RNPS1: variants seen among roughly 807,000 people sequenced by gnomAD.
RNPS1 encodes RNA-binding protein with serine-rich domain 1.
For synonymous variants in RNPS1, 147 were observed against 150.0 expected (o/e 0.98, Z 0.15); for missense variants, 300 against 427.6 (o/e 0.70, Z 2.63).
intron 3 of RNPS1, chr16:2,263,926 T>A (rs1001550847): frequency 5.0e-6 from 2 of 398,236 alleles, no homozygotes; most frequent in Non-Finnish European, 8.9e-6. Context: ...GACGAGCTCT[T>A]GTTTTGTTGC....
chr16:2,259,303 A>T (rs574332313), intron 6 of RNPS1, among the ~76,000 whole-genome samples: 4 of 152,306 alleles, frequency 2.6e-5, no homozygotes, highest in African/African-American at 9.6e-5. Context: ...AAATCACGTA[A>T]AACTCCTACA....
At chr16:2,259,611 C>T (rs916669742) in intron 6 of RNPS1, among the ~76,000 whole-genome samples, 2 of 152,164 alleles carry the variant, frequency 1.3e-5, no homozygotes, top group Non-Finnish European at 2.9e-5. Context: ...AAAATAAGGC[C>T]GGGTGCAGTG....
rs747959667 is a variant in RNPS1 at position 2,255,663 on chromosome 16, G to T, written c.740C>A (p.Pro247His). Reference sequence around the variant, plus strand: ...TCTCCTGGGAGGGCTGAATCTCCTGGGGGGTGGCCTAGGCCAGGGGGCCAG... The same window carrying T: ...TCTCCTGGGAGGGCTGAATCTCCTGTGGGGTGGCCTAGGCCAGGGGGCCAG... ...AVLAPWPRPP[P>H]RRFSPPRRML... Residue 247 changes from proline (P) to histidine (H), a missense_variant, in exon 7 of 8, where the codon CCC (proline) becomes CAC (histidine). Coordinates refer to ENST00000320225, the MANE Select transcript of RNPS1 (RefSeq NM_080594.4). 2.0e-5 allele frequency: 33 copies of T among 1,613,290 alleles called. No individual in the cohort carries two copies. The highest frequency in any genetic ancestry group is 7.7e-5 in the South Asian group (7 of 91,050).
At position 2,263,130 on chromosome 16, in the gene RNPS1, G is replaced by A. The variant is rs779084671; in HGVS notation, c.385C>T (p.Arg129Cys). The change falls in exon 4 of 8, where the codon CGC becomes TGC. Residue 129 changes from arginine (R) to cysteine (C), a missense_variant. Physicochemically the swap from Arg to Cys is radical, Grantham distance 180. Coordinates refer to ENST00000320225, the MANE Select transcript of RNPS1 (RefSeq NM_080594.4). ...SSSGSPSPSR[R>C]RHDNRRRSRS... is the part of the protein sequence containing the mutation. ...GAGCGCCTCCTGTTGTCGTGTCTGC[G>A]CCGAGAAGGACTTGGAGAGCCAGAA... 1.9e-5 allele frequency: 30 copies of A among 1,613,140 alleles called. No homozygotes were observed. The highest frequency in any genetic ancestry group is 8.3e-5 in the Admixed American group (5 of 59,982).
At chr16:2,255,796 A>T in intron 6 of RNPS1, 70 bp from the exon 7 acceptor site, 2 of 1,502,520 alleles carry the variant, frequency 1.3e-6, no homozygotes, top group Admixed American at 3.8e-5. Flanking sequence ...TGCCACAGTG[A>T]AAGACAGGCC....
chr16:2,266,363 C>CTGCTATCCGAG (rs2093625165), intron 1 of RNPS1: 1 of 985,174 alleles, frequency 1.0e-6, no homozygotes, highest in Admixed American at 6.2e-5. Flanking sequence ...GATAGTGCCT[C>CTGCTATCCGAG]GACACTCTTT....
At chr16:2,264,399 C>CG (rs1287289321) in intron 2 of RNPS1, 68 bp from the exon 3 acceptor site, 1 of 1,607,118 alleles carries the variant, frequency 6.2e-7, no homozygotes. Flanking sequence ...CAACCCAAAA[C>CG]GGGGGATCAG....
intron 6 of RNPS1, among the ~76,000 whole-genome samples, chr16:2,260,230 G>A (rs1046493032): frequency 7.3e-5 from 10 of 136,812 alleles, no homozygotes; most frequent in Admixed American, 1.7e-4. Flanking sequence ...ATCTTGGCTC[G>A]CTGCAATCCC....
At chr16:2,256,120 C>T (rs1359169938) in intron 6 of RNPS1, 3 of 183,538 alleles carry the variant, frequency 1.6e-5, no homozygotes, top group Admixed American at 5.6e-5. Flanking sequence ...AGCGAAACTC[C>T]GTCTCAAAAA....
chr16:2,263,285 G>C lies in RNPS1; in HGVS notation c.230C>G (p.Ser77Cys), dbSNP rs1163894425. Residue 77 changes from serine (S) to cysteine (C), a missense_variant and splice_region_variant, in exon 4 of 8, where the codon TCT becomes TGT. Ser to Cys is a moderately radical substitution (Grantham distance 112). Transcript: ENST00000320225. ...TGAGCTGGAAGTCGAGCTGGACCGA[G>C]ACCTGAGGGCAAGATGAGGGGTCAC... The part of the protein sequence containing the change: ...SASSGSSSTR[S>C]RSSSTSSSGS... 1 of 1,613,966 alleles carries C rather than the reference G, an allele frequency of 6.2e-7. No homozygotes were observed. Among genetic ancestry groups the C allele is most frequent in the East Asian group, 2.2e-5 (1 of 44,874 alleles).
chr16:2,260,128 T>TTG lies in RNPS1; in HGVS notation c.676+2148_676+2149dup, dbSNP rs373510877. Among the ~76,000 whole-genome samples the TTG allele has an allele frequency of 6.3e-3, 954 of 150,838 alleles. 10 individuals are homozygous for TTG. The highest frequency in any genetic ancestry group is 0.021 in the African/African-American group (877 of 40,918). ...AATTTCTTCAGAATTTGGAAACTAT[T>TTG]TGTGTGTGTGTGTGTATTCTTTTTT... is the stretch of plus-strand genomic sequence containing the variant. On this transcript the variant is annotated intron_variant, in intron 6 of 7. Coordinates refer to ENST00000320225, the MANE Select transcript of RNPS1 (RefSeq NM_080594.4).
At chr16:2,261,159 A>G (rs155250) in intron 6 of RNPS1, among the ~76,000 whole-genome samples, 7,542 of 152,176 alleles carry the variant, frequency 0.05, 627 homozygotes, top group African/African-American at 0.17. Flanking sequence ...TTCAAAAACT[A>G]TAGTACACCC....
intron 6 of RNPS1, chr16:2,256,738 G>A (rs1340706524): frequency 6.6e-6 from 1 of 152,370 alleles, no homozygotes; most frequent in Non-Finnish European, 1.5e-5. Flanking sequence ...GGACCATGCA[G>A]GCAGTATCCG....
At chr16:2,264,482 A>G (rs1206285018) in intron 2 of RNPS1, 91 bp downstream of exon 2, 6 of 1,533,640 alleles carry the variant, frequency 3.9e-6, no homozygotes, top group Non-Finnish European at 5.4e-6. Flanking sequence ...CTCACTGTAG[A>G]ATGCAGAACA....
At chr16:2,265,367 A>G (rs914050090) in intron 1 of RNPS1, 2 of 152,230 alleles carry the variant, frequency 1.3e-5, no homozygotes, top group African/African-American at 4.8e-5. Context: ...TATTGAGTGC[A>G]GGGGAAGACA....
intron 6 of RNPS1, 84 bp downstream of exon 6, chr16:2,262,194 T>C (rs1231433697): frequency 2.2e-6 from 3 of 1,370,294 alleles, no homozygotes; most frequent in Non-Finnish European, 3.0e-6. Flanking sequence ...CAAAAAGAAG[T>C]GCAGCCCAGT....
At chr16:2,267,861 T>C in intron 1 of RNPS1, 194 bp downstream of exon 1, 1 of 1,519,424 alleles carries the variant, frequency 6.6e-7, no homozygotes, top group Non-Finnish European at 8.8e-7. Flanking sequence ...CCCCGACCAC[T>C]TCCGGGCCAC....
At chr16:2,256,737 A>G (rs2093580287) in intron 6 of RNPS1, 1 of 152,364 alleles carries the variant, frequency 6.6e-6, no homozygotes, top group Non-Finnish European at 1.5e-5. Context: ...AGGACCATGC[A>G]GGCAGTATCC....
In RNPS1 at chr16:2,262,352, A is replaced by G; in HGVS notation, c.602T>C (p.Leu201Pro). Residue 201 changes from leucine (L) to proline (P), a missense_variant, in exon 6 of 8, where the codon CTG (leucine) becomes CCG (proline). By Grantham distance (98) the Leu-to-Pro change is moderately conservative (BLOSUM62 -3). Coordinates refer to ENST00000320225, the MANE Select transcript of RNPS1 (RefSeq NM_080594.4). Reference sequence around the variant, plus strand: ...CTCTACGTACGCATAGCCTTTGGACAGATGGGGATGCATCCTTTCCACGGG... The same window carrying G: ...CTCTACGTACGCATAGCCTTTGGACGGATGGGGATGCATCCTTTCCACGGG... The part of the protein sequence containing the change: ...DMPVERMHPH[L>P]SKGYAYVEFE... The G allele has an allele frequency of 6.2e-7, 1 of 1,614,150 alleles. No individual in the cohort carries two copies. Among genetic ancestry groups the G allele is most frequent in the Non-Finnish European group, 8.5e-7 (1 of 1,179,972 alleles).
Sources: allele counts gnomAD v4.1 joint callset (sites outside exome capture counted in the v4.1 genomes callset), GRCh38; gene constraint gnomAD v4.1.1; transcripts MANE v1.5; gene names NCBI Gene and HGNC (gene_info 2026-07-23, HGNC 2026-07-21).